Variants in NISCH observed in about 807,000 individuals in gnomAD.
NISCH encodes the protein nischarin.
Under a neutral mutation model 138.4 loss-of-function variants are expected in NISCH, and 55 were observed. The ratio of observed to expected loss-of-function variants is 0.40; its 90% CI spans 0.32 to 0.50. The LOEUF (loss-of-function observed/expected upper bound fraction) is 0.50. Among genes scored for constraint, NISCH ranks in the 20% least tolerant of loss-of-function variants. NISCH has a pLI of 0.71. For synonymous variants in NISCH, 860 were observed against 861.5 expected (o/e 1.00, Z 0.03); for missense variants, 1,643 against 2,005.5 (o/e 0.82, Z 3.45).
chr3:52,471,199 T>C (rs1461905393), intron 4 of NISCH: 4 of 502,560 alleles, frequency 8.0e-6, no homozygotes, highest in Non-Finnish European at 1.4e-5. Flanking sequence ...AGATAGAAGC[T>C]GACCCTGGGT....
chr3:52,489,664 A>G lies in NISCH; in HGVS notation c.3442A>G (p.Ser1148Gly), dbSNP rs1203182000. The change falls in exon 17 of 21, where the codon AGC (serine) becomes GGC (glycine). Residue 1148 changes from serine to glycine, a missense_variant. Physicochemically the swap from Ser to Gly is moderately conservative, Grantham distance 56 (BLOSUM62 0). Transcript: ENST00000345716. ...RGSAIIELFHSSIAEVENEEL... is the reference protein window; with the variant it reads ...RGSAIIELFHGSIAEVENEEL... ...CAGCGCCATCATCGAGCTCTTCCAC[A>G]GCAGCATTGCTGAGGTAGCGGCCCG... is the stretch of plus-strand genomic sequence containing the variant. The G allele has an allele frequency of 1.9e-6, 3 of 1,612,334 alleles. No individual in the cohort carries two copies. The highest frequency in any genetic ancestry group is 1.7e-5 in the Admixed American group (1 of 59,970).
chr3:52,471,705 C>A, intron 4 of NISCH, 109 bp from the exon 5 acceptor site: 2 of 1,358,790 alleles, frequency 1.5e-6, no homozygotes, highest in Non-Finnish European at 1.0e-6. Context: ...TTTGCCCTGA[C>A]ACAGTGGGTG....
At chr3:52,472,905 A>G (rs1215222176) in intron 6 of NISCH, among the ~76,000 whole-genome samples, 1 of 152,252 alleles carries the variant, frequency 6.6e-6, no homozygotes, top group Non-Finnish European at 1.5e-5. Context: ...TAATGAATAC[A>G]AAAAAAGTTT....
At chr3:52,465,345 G>A (rs1190999759) in intron 3 of NISCH, among the ~76,000 whole-genome samples, 1 of 152,006 alleles carries the variant, frequency 6.6e-6, no homozygotes, top group East Asian at 1.9e-4. Context: ...GCCCAGGCTG[G>A]TCTCGAACTC....
chr3:52,462,231 A>G (rs1412116615), intron 3 of NISCH, among the ~76,000 whole-genome samples: 1 of 152,260 alleles, frequency 6.6e-6, no homozygotes, highest in Non-Finnish European at 1.5e-5. Context: ...GATTAAACCC[A>G]CAGTTGATCA....
At chr3:52,488,707 C>G in intron 16 of NISCH, 102 bp downstream of exon 16, 1 of 1,024,526 alleles carries the variant, frequency 9.8e-7, no homozygotes, top group Non-Finnish European at 1.4e-6. Context: ...GCTGCGAGAG[C>G]TGGGCCCCCT....
Position 52,487,703 on chromosome 3 carries a change from A to G in NISCH, c.2211A>G (p.Ala737=). ...ACLVLTDFGI[A]VFEIPHQESR... is the part of the protein sequence containing the mutation. ...TTGTGCTCACCGACTTCGGCATCGC[A>G]GTCTTCGAGATCCCGCACCAGGAGT... The change falls in exon 16 of 21, where the codon GCA becomes GCG. Residue 737 remains alanine, a synonymous_variant. Coordinates refer to ENST00000345716, the MANE Select transcript of NISCH (RefSeq NM_007184.4). The surrounding 1 kb of genome is among the most constrained non-coding windows in gnomAD (Gnocchi z 9.1). 1 of 1,613,438 alleles carries G rather than the reference A, an allele frequency of 6.2e-7. No individual in the cohort carries two copies. The highest frequency in any genetic ancestry group is 8.5e-7 in the Non-Finnish European group (1 of 1,179,952).
intron 14 of NISCH, among the ~76,000 whole-genome samples, chr3:52,485,199 A>G (rs1162324924): frequency 2.0e-5 from 3 of 152,108 alleles, no homozygotes; most frequent in Admixed American, 6.5e-5. Context: ...TGTGCTTCGC[A>G]AATGTGCTTG....
In NISCH at chr3:52,488,050, A is replaced by G. The variant is rs1429564097; in HGVS notation, c.2558A>G (p.Gln853Arg). 1.2e-6 allele frequency: 2 copies of G among 1,612,530 alleles called. No homozygotes were observed. Among genetic ancestry groups the G allele is most frequent in the Admixed American group, 1.7e-5 (1 of 59,980 alleles). The part of the protein sequence containing the change: ...KVAGGCQERS[Q>R]GCFPVYLVYS... ...GCTGGCGGCTGCCAGGAGCGCAGCCAGGGCTGCTTCCCCGTCTACCTGGTC... is the reference window on the plus strand; with the variant it reads ...GCTGGCGGCTGCCAGGAGCGCAGCCGGGGCTGCTTCCCCGTCTACCTGGTC... The change falls in exon 16 of 21, where the codon CAG (glutamine) becomes CGG (arginine). Residue 853 changes from glutamine to arginine, a missense_variant. By Grantham distance (43) the Gln-to-Arg change is conservative. Coordinates refer to ENST00000345716, the MANE Select transcript of NISCH (RefSeq NM_007184.4).
intron 13 of NISCH, among the ~76,000 whole-genome samples, chr3:52,483,437 A>T (rs1317786862): frequency 2.6e-5 from 4 of 152,230 alleles, no homozygotes; most frequent in African/African-American, 4.8e-5. Context: ...GGCGGCAGTC[A>T]GGAACATGTT....
At position 52,470,859 on chromosome 3, in the gene NISCH, G is replaced by C. The variant is rs1362623152; in HGVS notation, c.361G>C (p.Glu121Gln). The C allele has an allele frequency of 6.2e-7, 1 of 1,614,134 alleles. No individual in the cohort carries two copies. Among genetic ancestry groups the C allele is most frequent in the Admixed American group, 1.7e-5 (1 of 60,022 alleles). The change falls in exon 4 of 21, where the codon GAG (glutamate) becomes CAG (glutamine). Residue 121 changes from glutamate (E) to glutamine (Q), a missense_variant and splice_region_variant. Physicochemically the swap from Glu to Gln is conservative, Grantham distance 29. Transcript: ENST00000345716. ...AGGGCAAATTTTGTGTTCTCTGCAG[G>C]AGATAAATGGCATCACCGCGGCACT... ...LAHFLHFHFY[E>Q]INGITAALAE...
chr3:52,455,727 C>G lies in NISCH; in HGVS notation c.86C>G (p.Thr29Ser), dbSNP rs765431361. The G allele has an allele frequency of 1.5e-6, 2 of 1,363,404 alleles. No homozygotes were observed. The highest frequency in any genetic ancestry group is 1.9e-6 in the Non-Finnish European group (2 of 1,047,580). The allele number at this position is 1,363,404 out of a possible 1,614,324, so 84.5% of individuals were successfully genotyped here. The part of the protein sequence containing the change: ...ARVVGSELVD[T>S]YTVYIIQVTD... The stretch of plus-strand genomic sequence containing the variant: ...GTCGTGGGCTCGGAGCTTGTGGACA[C>G]TTATACGGTGTGTTGGGGGCGCGGG... The change falls in exon 1 of 21, where the codon ACT becomes AGT. Residue 29 changes from threonine to serine, a missense_variant. Physicochemically the swap from Thr to Ser is moderately conservative, Grantham distance 58. Transcript: ENST00000345716.
intron 6 of NISCH, 151 bp from the exon 7 acceptor site, chr3:52,473,583 A>G: frequency 1.9e-6 from 1 of 527,132 alleles, no homozygotes; most frequent in South Asian, 2.9e-5. Flanking sequence ...ACTGGGAAAA[A>G]GAGACACTTT....
intron 7 of NISCH, chr3:52,475,597 T>A (rs1707077461): frequency 6.6e-6 from 1 of 152,242 alleles, no homozygotes; most frequent in Non-Finnish European, 1.5e-5. Context: ...CCCAGCACTT[T>A]GGGAGGCCAA....
At chr3:52,456,423 C>T (rs6765965) in intron 1 of NISCH, among the ~76,000 whole-genome samples, 1,934 of 152,254 alleles carry the variant, frequency 0.013, 53 homozygotes, top group African/African-American at 0.044. Context: ...ACAAGCTGCC[C>T]ACACACACTT....
chr3:52,489,937 C>T (rs975130805), intron 17 of NISCH, 138 bp from the exon 18 acceptor site: 16 of 1,289,196 alleles, frequency 1.2e-5, no homozygotes, highest in Middle Eastern at 2.3e-4. Context: ...CCCTCTCTTC[C>T]TCTCTGCCTT....
intron 3 of NISCH, among the ~76,000 whole-genome samples, chr3:52,460,424 C>T (rs1225713445): frequency 7.4e-6 from 1 of 135,928 alleles, no homozygotes; most frequent in Non-Finnish European, 1.5e-5. Flanking sequence ...TTTTTTGAGA[C>T]AGGGTCTCAC....
chr3:52,490,467 G>A (rs971971256), intron 18 of NISCH, among the ~76,000 whole-genome samples: 2 of 152,212 alleles, frequency 1.3e-5, no homozygotes, highest in Non-Finnish European at 2.9e-5. Context: ...AACAGCCAGT[G>A]ATGAGAAGGG....
At chr3:52,473,927 C>G (rs1707023729) in intron 7 of NISCH, 98 bp downstream of exon 7, 1 of 716,152 alleles carries the variant, frequency 1.4e-6, no homozygotes, top group Non-Finnish European at 2.3e-6. Context: ...ACTGCTATGT[C>G]TATCAGTATT....
Sources: gnomAD v4.1 joint callset for allele counts (sites outside exome capture counted in the v4.1 genomes callset) on GRCh38, gnomAD v4.1.1 for gene constraint, Gnocchi (gnomAD v3.1) non-coding constraint, MANE v1.5 for transcripts, NCBI Gene and HGNC (gene_info 2026-07-23, HGNC 2026-07-21) for gene names.